Variants in FSTL5 observed in about 807,000 individuals in gnomAD.
FSTL5 encodes the protein follistatin like 5.
FSTL5 carries 62 observed loss-of-function variants against 89.1 expected under a neutral mutation model. That is an observed-to-expected ratio of 0.70 (90% CI 0.57 to 0.86). The LOEUF (loss-of-function observed/expected upper bound fraction) is 0.86. FSTL5 is among the 40% of genes least tolerant of loss of function. The pLI, the probability that FSTL5 is intolerant of heterozygous loss-of-function variation, is 0.00. For synonymous variants in FSTL5, 383 were observed against 346.2 expected, an observed-to-expected ratio of 1.11 and a Z score of -1.18; for missense variants, 1,057 against 1,001.6, an observed-to-expected ratio of 1.06 and a Z score of -0.75.
intron 4 of FSTL5, among the ~76,000 whole-genome samples, chr4:161,796,174 C>T (rs1490124981): frequency 6.6e-6 from 1 of 151,892 alleles, no homozygotes; most frequent in African/African-American, 2.4e-5. Context: ...GTAGAATATG[C>T]TATAGAACTC....
chr4:162,155,721 T>C (rs1370838840), intron 1 of FSTL5, among the ~76,000 whole-genome samples: 1 of 152,188 alleles, frequency 6.6e-6, no homozygotes, highest in Non-Finnish European at 1.5e-5. Flanking sequence ...TAAACAGGGA[T>C]TCTTGAAAGT....
At chr4:161,486,122 C>T (rs184659571) in intron 12 of FSTL5, among the ~76,000 whole-genome samples, 16 of 129,990 alleles carry the variant, frequency 1.2e-4, no homozygotes, top group Non-Finnish European at 1.6e-4. Flanking sequence ...ACAGCCTTGG[C>T]GACAGAGTAA....
At chr4:161,606,254 T>A (rs2126630474) in intron 7 of FSTL5, among the ~76,000 whole-genome samples, 1 of 149,538 alleles carries the variant, frequency 6.7e-6, no homozygotes, top group Non-Finnish European at 1.5e-5. Context: ...TTTTTTTTTT[T>A]TTTTTTTTTT....
At chr4:161,916,080 T>C (rs552570110) in intron 4 of FSTL5, among the ~76,000 whole-genome samples, 1 of 152,022 alleles carries the variant, frequency 6.6e-6, no homozygotes, top group Non-Finnish European at 1.5e-5. Flanking sequence ...CAAAAGTCTG[T>C]TCAGATTATG....
At chr4:161,406,476 A>G (rs916840257) in intron 15 of FSTL5, among the ~76,000 whole-genome samples, 5 of 152,108 alleles carry the variant, frequency 3.3e-5, no homozygotes, top group Admixed American at 6.6e-5. Context: ...CTTGAGAAAA[A>G]TTTATATTCT....
chr4:161,877,876 G>A (rs992557652), intron 4 of FSTL5, among the ~76,000 whole-genome samples: 1 of 151,066 alleles, frequency 6.6e-6, no homozygotes, highest in East Asian at 2.0e-4. Context: ...GGATGGTCTC[G>A]ATCTCCTGAC....
At chr4:162,047,385 C>T (rs529981237) in intron 2 of FSTL5, 1 of 152,120 alleles carries the variant, frequency 6.6e-6, no homozygotes, top group East Asian at 1.9e-4. Flanking sequence ...GCCCAAAAAT[C>T]ATGGTCTAGT....
intron 2 of FSTL5, among the ~76,000 whole-genome samples, chr4:162,077,967 A>G (rs958848387): frequency 2.0e-5 from 3 of 151,850 alleles, no homozygotes; most frequent in Non-Finnish European, 4.4e-5. Flanking sequence ...CTAGACTGTA[A>G]TATCTTTATA....
rs182801570 is a variant in FSTL5 at position 162,149,175 on chromosome 4, G to A, written c.-17+14440C>T. Among the ~76,000 whole-genome samples the A allele has an allele frequency of 1.9e-4, 29 of 152,192 alleles. No homozygotes were observed. The East Asian group carries it at 5.6e-3, about 29-fold the overall frequency. On this transcript the variant is annotated intron_variant, in intron 1 of 15. Coordinates refer to ENST00000306100, the MANE Select transcript of FSTL5 (RefSeq NM_020116.5). ...TTATCATCAAATCTGGAAGTGTTGA[G>A]TAATTGAAATGAAACCCATACAAAA...
chr4:161,762,141 GA>G (rs1320449488), intron 5 of FSTL5, among the ~76,000 whole-genome samples: 1 of 152,084 alleles, frequency 6.6e-6, no homozygotes, highest in African/African-American at 2.4e-5. Context: ...TAGGTACCCA[GA>G]ATTTTTGTTT....
At chr4:162,109,767 G>A (rs1466354983) in intron 2 of FSTL5, among the ~76,000 whole-genome samples, 1 of 151,968 alleles carries the variant, frequency 6.6e-6, no homozygotes, top group East Asian at 1.9e-4. Flanking sequence ...ATTAAACAGT[G>A]TCTCTTATGT....
intron 3 of FSTL5, among the ~76,000 whole-genome samples, chr4:161,961,657 T>C (rs1012878882): frequency 3.9e-5 from 6 of 151,926 alleles, no homozygotes; most frequent in African/African-American, 1.2e-4. Flanking sequence ...ACATTCTCCA[T>C]TTAATCCAAA....
At chr4:161,790,021 T>C (rs1729405414) in intron 4 of FSTL5, among the ~76,000 whole-genome samples, 1 of 152,224 alleles carries the variant, frequency 6.6e-6, no homozygotes. Flanking sequence ...ATATTTATAC[T>C]ACCAGTTTAC....
At chr4:161,564,359 C>T (rs978193408) in intron 8 of FSTL5, among the ~76,000 whole-genome samples, 25 of 149,384 alleles carry the variant, frequency 1.7e-4, no homozygotes, top group African/African-American at 5.4e-4. Flanking sequence ...AATTGTATTC[C>T]TATATATATA....
chr4:161,571,074 A>G (rs923693805), intron 8 of FSTL5, among the ~76,000 whole-genome samples: 1 of 151,998 alleles, frequency 6.6e-6, no homozygotes, highest in Non-Finnish European at 1.5e-5. Flanking sequence ...ACGCCACTGC[A>G]TTCTAGCCTG....
At chr4:161,633,326 T>TATTATTATC (rs1735565451) in intron 7 of FSTL5, among the ~76,000 whole-genome samples, 1 of 144,724 alleles carries the variant, frequency 6.9e-6, no homozygotes, top group South Asian at 2.1e-4. Context: ...TTATTATTAT[T>TATTATTATC]ATACTTTACA....
intron 1 of FSTL5, among the ~76,000 whole-genome samples, chr4:162,146,840 T>C: frequency 6.6e-6 from 1 of 151,614 alleles, no homozygotes; most frequent in East Asian, 1.9e-4. Context: ...GGGAGTGCAG[T>C]GTGGGATCTT....
In FSTL5 at chr4:162,136,628, T is replaced by C. The variant is rs186927438; in HGVS notation, c.-16-25216A>G. ...ATGCCAAAAATCCAGCTTGTAGATA[T>C]AGCCATTCATATACCAAAAGGAAGT... On this transcript the variant is annotated intron_variant, in intron 1 of 15. Transcript: ENST00000306100. Among the ~76,000 whole-genome samples the C allele has an allele frequency of 2.6e-5, 4 of 152,062 alleles. No homozygotes were observed. The East Asian group carries it at 5.8e-4, about 22-fold the overall frequency.
chr4:161,597,386 A>G (rs1355033281), intron 7 of FSTL5, among the ~76,000 whole-genome samples: 1 of 150,276 alleles, frequency 6.7e-6, no homozygotes, highest in African/African-American at 2.4e-5. Context: ...AGGACAAAAA[A>G]CCAAACACCG....
Sources: gnomAD v4.1 joint callset for allele counts (sites outside exome capture counted in the v4.1 genomes callset) on GRCh38, gnomAD v4.1.1 for gene constraint, MANE v1.5 for transcripts, NCBI Gene and HGNC (gene_info 2026-07-23, HGNC 2026-07-21) for gene names.